The following SPG7 variants were observed in gnomAD, a reference collection of about 807,000 sequenced individuals.
The protein encoded by SPG7 is SPG7 matrix AAA peptidase subunit, paraplegin.
SPG7 carries 103 observed loss-of-function variants against 81.9 expected under a neutral mutation model. The ratio of observed to expected loss-of-function variants is 1.26; its 90% CI spans 1.07 to 1.48. SPG7 has a LOEUF of 1.48. Ranked by LOEUF, SPG7 falls within the 40% of genes most tolerant of loss-of-function variation. The pLI is 0.00. For missense variants in SPG7, 1,241 were observed against 1,087.3 expected (o/e 1.14, Z -1.99); for synonymous variants, 534 against 444.2 (o/e 1.20, Z -2.54).
chr16:89,548,880 G>GT, intron 12 of SPG7: 1 of 449,146 alleles, frequency 2.2e-6, no homozygotes, highest in South Asian at 1.6e-5. Flanking sequence ...TGCCCCAGGT[G>GT]TTTGAGGAGC....
At chr16:89,525,843 G>A (rs1331814311) in intron 4 of SPG7, among the ~76,000 whole-genome samples, 1 of 152,102 alleles carries the variant, frequency 6.6e-6, no homozygotes, top group Non-Finnish European at 1.5e-5. Flanking sequence ...CAGCCTCGCC[G>A]GCCTCTGGGG....
In SPG7 at chr16:89,532,591, A is replaced by G. The variant is rs749907835; in HGVS notation, c.1279A>G (p.Thr427Ala). 6.8e-6 allele frequency: 11 copies of G among 1,613,584 alleles called. No individual in the cohort carries two copies. Among genetic ancestry groups the G allele is most frequent in the Non-Finnish European group, 2.5e-6 (3 of 1,180,028 alleles). The change falls in exon 9 of 17, where the codon ACG becomes GCG. Residue 427 changes from threonine to alanine, a missense_variant. Transcript: ENST00000645818. ...CACCACCATGTCCGGCTTCTCCAAC[A>G]CGGAGGAGGAGCAGACGCTCAACCA... ...RSTTMSGFSN[T>A]EEEQTLNQLL...
rs371986686 is a variant in SPG7, at chr16:89,544,642, C to T, written c.1325-6C>T. On this transcript the variant is annotated splice_polypyrimidine_tract_variant and splice_region_variant and intron_variant, in intron 9 of 16. Coordinates refer to ENST00000645818, the MANE Select transcript of SPG7 (RefSeq NM_003119.4). Reference sequence around the variant, plus strand: ...CTCAGAGCCACTGTCTGCTCTGTCCCCTCAGGAATGGGTACCACAGACCAT... The same window carrying T: ...CTCAGAGCCACTGTCTGCTCTGTCCTCTCAGGAATGGGTACCACAGACCAT... 163 of 1,613,962 alleles carry T rather than the reference C, an allele frequency of 1.0e-4. No homozygotes were observed. The highest frequency in any genetic ancestry group is 3.3e-4 in the Middle Eastern group (2 of 6,062).
chr16:89,517,456 A>C (rs2058115093), intron 3 of SPG7: 1 of 152,282 alleles, frequency 6.6e-6, no homozygotes, highest in Admixed American at 6.5e-5. Context: ...GTGCTTGTCC[A>C]GTGAAATCCT....
At chr16:89,546,490 CA>C (rs1263461351) in intron 10 of SPG7, 167 bp from the exon 11 acceptor site, 1 of 655,290 alleles carries the variant, frequency 1.5e-6, no homozygotes, top group African/African-American at 1.8e-5. Context: ...CCAGCCTAGC[CA>C]ACTTTGCGAA....
intron 5 of SPG7, chr16:89,526,824 C>G: frequency 2.9e-6 from 1 of 348,014 alleles, no homozygotes; most frequent in South Asian, 2.3e-5. Flanking sequence ...ATGGCGAAGT[C>G]TCAGCCCCCG....
chr16:89,548,768 T>C (rs2058598257), intron 12 of SPG7: 1 of 362,424 alleles, frequency 2.8e-6, no homozygotes, highest in Admixed American at 3.4e-5. Context: ...TCCATAGCTA[T>C]GATGGCAACA....
chr16:89,535,929 A>G (rs2434867), intron 9 of SPG7, among the ~76,000 whole-genome samples: 691 of 32,444 alleles, frequency 0.021, 39 homozygotes, highest in African/African-American at 0.042. Context: ...CTGGTGCTGT[A>G]TGGCCTTCAG....
In SPG7 at chr16:89,510,576, A is replaced by C. The variant is rs762017481; in HGVS notation, c.270A>C (p.Arg90Ser). The change falls in exon 2 of 17, where the codon AGA (arginine) becomes AGC (serine). Residue 90 changes from arginine to serine, a missense_variant. Arg to Ser is a moderately radical substitution (Grantham distance 110, BLOSUM62 -1). Coordinates refer to ENST00000645818, the MANE Select transcript of SPG7 (RefSeq NM_003119.4). ...AACATTTAGTTCAGAATCCAGTCAG[A>C]CTCTGGCAACTTTTAGGTATGTATC... ...LKQHLVQNPV[R>S]LWQLLGGTFY... 7 of 1,609,006 alleles carry C rather than the reference A, an allele frequency of 4.4e-6. No individual in the cohort carries two copies. Among genetic ancestry groups the C allele is most frequent in the Non-Finnish European group, 6.0e-6 (7 of 1,175,978 alleles).
At chr16:89,548,351 C>A in intron 12 of SPG7, 1 of 493,162 alleles carries the variant, frequency 2.0e-6, no homozygotes, top group Non-Finnish European at 3.6e-6. Flanking sequence ...AATGCCTTGC[C>A]AAAGAAAGTG....
chr16:89,514,792 C>T (rs2058072432), intron 3 of SPG7, among the ~76,000 whole-genome samples: 1 of 152,124 alleles, frequency 6.6e-6, no homozygotes, highest in Non-Finnish European at 1.5e-5. Context: ...GCCACCGCGT[C>T]AGGCCCTCTT....
intron 3 of SPG7, chr16:89,514,331 TTTTTTTTTTG>T (rs2058063353): frequency 7.4e-6 from 1 of 136,006 alleles, no homozygotes; most frequent in African/African-American, 2.8e-5. Flanking sequence ...TTTTTTTTTT[TTTTTTTTTTG>T]CCAGAATCTC....
At chr16:89,528,077 T>C (rs867954465) in intron 5 of SPG7, among the ~76,000 whole-genome samples, 5 of 151,340 alleles carry the variant, frequency 3.3e-5, no homozygotes, top group Admixed American at 2.6e-4. Context: ...CGTGTCTTCG[T>C]AGGCCGATGA....
At chr16:89,520,334 T>TG (rs1052279238) in intron 3 of SPG7, 5 of 164,378 alleles carry the variant, frequency 3.0e-5, no homozygotes, top group African/African-American at 7.2e-5. Context: ...GGGAAGGAGA[T>TG]GGGGGGTCTT....
In SPG7 at chr16:89,526,456, G is replaced by A. The variant is rs776018878; in HGVS notation, c.746G>A (p.Gly249Glu). Residue 249 changes from glycine (G) to glutamate (E), a missense_variant, in exon 5 of 17, where the codon GGA (glycine) becomes GAA (glutamate). Gly to Glu is a moderately conservative substitution (Grantham distance 98). Coordinates refer to ENST00000645818, the MANE Select transcript of SPG7 (RefSeq NM_003119.4). Reference sequence around the variant, plus strand: ...ATCCCAGTTTCCTACAAGCGAACAGGATTCTTTGGAAAGTATGTTGGATGT... The same window carrying A: ...ATCCCAGTTTCCTACAAGCGAACAGAATTCTTTGGAAAGTATGTTGGATGT... Reference protein sequence around the residue: ...DRIPVSYKRTGFFGNALYSVG... With the variant: ...DRIPVSYKRTEFFGNALYSVG... 2.5e-6 allele frequency: 4 copies of A among 1,614,174 alleles called. No homozygotes were observed. Among genetic ancestry groups the A allele is most frequent in the Admixed American group, 1.7e-5 (1 of 60,014 alleles).
chr16:89,549,443 GAGGC>G, intron 12 of SPG7: 2 of 359,974 alleles, frequency 5.6e-6, no homozygotes, highest in Non-Finnish European at 1.1e-5. Context: ...AGGGTTGCTT[GAGGC>G]CAGGAGTTTG....
chr16:89,546,795 G>A (rs377615469), intron 11 of SPG7, 35 bp downstream of exon 11: 163 of 1,421,202 alleles, frequency 1.1e-4, no homozygotes, highest in Non-Finnish European at 1.5e-4. Context: ...GCAGCGTCAC[G>A]TCCTGAGGGC....
At chr16:89,552,286 C>G (rs1006193904) in intron 13 of SPG7, 1 of 153,964 alleles carries the variant, frequency 6.5e-6, no homozygotes, top group Non-Finnish European at 1.4e-5. Flanking sequence ...GTCTCGAACT[C>G]CTGGGCTCAT....
chr16:89,523,675 G>A (rs1255164182), intron 3 of SPG7: 4 of 464,112 alleles, frequency 8.6e-6, no homozygotes, highest in South Asian at 4.7e-5. Flanking sequence ...TCAACCTCCC[G>A]CCTCAGCCTC....
Sources: allele counts gnomAD v4.1 joint callset (sites outside exome capture counted in the v4.1 genomes callset), GRCh38; gene constraint gnomAD v4.1.1; transcripts MANE v1.5; gene names NCBI Gene and HGNC (gene_info 2026-07-23, HGNC 2026-07-21).